The following GRK5 variants were observed in gnomAD, a reference collection of about 807,000 sequenced individuals.
GRK5 encodes the protein g protein-coupled receptor kinase GRK5.
In GRK5, 40 loss-of-function variants were observed where a neutral mutation model predicts 78.4. The ratio of observed to expected loss-of-function variants is 0.51; its 90% CI spans 0.40 to 0.66. The LOEUF is 0.66. GRK5 is among the 30% of genes least tolerant of loss of function. The pLI, the probability that GRK5 is intolerant of heterozygous loss-of-function variation, is 0.00. For synonymous variants in GRK5, 289 were observed against 296.8 expected (o/e 0.97, Z 0.27); for missense variants, 598 against 759.9 (o/e 0.79, Z 2.50).
At chr10:119,347,256 T>C (rs547818601) in intron 2 of GRK5, among the ~76,000 whole-genome samples, 1 of 151,920 alleles carries the variant, frequency 6.6e-6, no homozygotes, top group African/African-American at 2.4e-5. Flanking sequence ...CACATGCAAG[T>C]TTGTATGTGT....
chr10:119,448,640 T>C (rs1853209662), intron 13 of GRK5, among the ~76,000 whole-genome samples: 1 of 152,146 alleles, frequency 6.6e-6, no homozygotes, highest in Non-Finnish European at 1.5e-5. Context: ...TCAAGAGCAT[T>C]GACGGCCACT....
Position 119,431,555 on chromosome 10 carries a change from G to A in GRK5, c.738+28G>A, listed in dbSNP as rs370118216. ...GAGTGAGCATCTGGGCCCAGTGACC[G>A]GCTCGCCCTTCTGTGGACTGGGGCT... On this transcript the variant is annotated intron_variant, in intron 8 of 15. Coordinates refer to ENST00000392870, the MANE Select transcript of GRK5 (RefSeq NM_005308.3). This position sits in a 1 kb window ranked among gnomAD's most constrained non-coding sequence, Gnocchi z 4.8. The A allele has an allele frequency of 2.1e-4, 337 of 1,604,974 alleles. 1 individual carries two copies. In the African/African-American group the frequency reaches 2.7e-3, roughly 13 times the overall value.
At chr10:119,275,816 T>C (rs1355090205) in intron 1 of GRK5, among the ~76,000 whole-genome samples, 1 of 152,134 alleles carries the variant, frequency 6.6e-6, no homozygotes, top group Non-Finnish European at 1.5e-5. Flanking sequence ...GCTGAGCATG[T>C]GTAAAAATGA....
chr10:119,265,977 A>G (rs1795328071), intron 1 of GRK5, among the ~76,000 whole-genome samples: 1 of 152,110 alleles, frequency 6.6e-6, no homozygotes, highest in Admixed American at 6.5e-5. Context: ...TTTGGGCCCC[A>G]CTAACAGAGA....
chr10:119,227,330 G>A (rs1180426872), intron 1 of GRK5, among the ~76,000 whole-genome samples: 1 of 152,172 alleles, frequency 6.6e-6, no homozygotes, highest in Non-Finnish European at 1.5e-5. Flanking sequence ...ACTTTGGGAA[G>A]CCGAGGTGGG....
chr10:119,215,461 G>A (rs1295469382), intron 1 of GRK5, among the ~76,000 whole-genome samples: 1 of 149,782 alleles, frequency 6.7e-6, no homozygotes, highest in Non-Finnish European at 1.5e-5. Context: ...GGAGAGATGA[G>A]AGGGGGAAAT....
chr10:119,411,820 C>CAGCTTCAT (rs1394602060), intron 4 of GRK5, among the ~76,000 whole-genome samples: 2 of 147,356 alleles, frequency 1.4e-5, no homozygotes, highest in African/African-American at 2.5e-5. Flanking sequence ...TCGGCCTCCT[C>CAGCTTCAT]AGCTTCATTG....
intron 10 of GRK5, among the ~76,000 whole-genome samples, chr10:119,440,108 C>T (rs1048474552): frequency 2.0e-5 from 3 of 152,180 alleles, no homozygotes; most frequent in Non-Finnish European, 4.4e-5. Flanking sequence ...TACTTAACTT[C>T]CATCAAGTTC....
chr10:119,416,405 C>T (rs997298451), intron 4 of GRK5, among the ~76,000 whole-genome samples: 8 of 152,330 alleles, frequency 5.3e-5, no homozygotes, highest in East Asian at 3.9e-4. Context: ...TCCTGCCAGC[C>T]GTTCCTGCTT....
intron 6 of GRK5, among the ~76,000 whole-genome samples, chr10:119,428,411 G>C (rs777099917): frequency 6.6e-5 from 10 of 152,242 alleles, no homozygotes; most frequent in Admixed American, 6.5e-4. Context: ...CCCCAGAGGG[G>C]GGCATGCCCT....
intron 2 of GRK5, among the ~76,000 whole-genome samples, chr10:119,343,999 A>G (rs1851028869): frequency 6.6e-6 from 1 of 151,860 alleles, no homozygotes; most frequent in Non-Finnish European, 1.5e-5. Context: ...AGGCTCAGGT[A>G]ATGCCACAGG....
intron 1 of GRK5, chr10:119,211,378 G>T (rs1332432455): frequency 2.0e-5 from 3 of 152,214 alleles, no homozygotes; most frequent in Admixed American, 2.0e-4. Flanking sequence ...GCGACCTAAT[G>T]TTGAAATAAT....
At chr10:119,305,445 T>G (rs939590618) in intron 1 of GRK5, among the ~76,000 whole-genome samples, 1 of 152,218 alleles carries the variant, frequency 6.6e-6, no homozygotes, top group Admixed American at 6.5e-5. Flanking sequence ...ATGAGCAAAA[T>G]GGACGTGGTC....
rs1415578017 is a variant in GRK5 at position 119,378,723 on chromosome 10, C to T, written c.149-2092C>T. Among the ~76,000 whole-genome samples, 3 of 152,236 alleles carry T rather than the reference C, an allele frequency of 2.0e-5. No individual in the cohort carries two copies. Among genetic ancestry groups the T allele is most frequent in the Non-Finnish European group, 2.9e-5 (2 of 68,050 alleles). On this transcript the variant is annotated intron_variant, in intron 2 of 15. Coordinates refer to ENST00000392870, the MANE Select transcript of GRK5 (RefSeq NM_005308.3). The surrounding 1 kb of genome is among the most constrained non-coding windows in gnomAD (Gnocchi z 4.5). The stretch of plus-strand genomic sequence containing the variant: ...GGGGGAAGGCGGTCTCAGCAGCCCT[C>T]GGCTGACCAGTCATCCCCAAGAACC...
chr10:119,435,358 C>G (rs541857786), intron 8 of GRK5, among the ~76,000 whole-genome samples: 62 of 152,330 alleles, frequency 4.1e-4, no homozygotes, highest in African/African-American at 1.3e-3. Flanking sequence ...CCTTTATGCT[C>G]TCCTTCCCTT....
At chr10:119,304,163 T>G (rs936782134) in intron 1 of GRK5, among the ~76,000 whole-genome samples, 110 of 152,212 alleles carry the variant, frequency 7.2e-4, no homozygotes, top group African/African-American at 2.6e-3. Flanking sequence ...GAGGCAGCTT[T>G]GAGCAGCCCT....
At chr10:119,361,412 C>T (rs1021116128) in intron 2 of GRK5, among the ~76,000 whole-genome samples, 1 of 152,250 alleles carries the variant, frequency 6.6e-6, no homozygotes, top group Non-Finnish European at 1.5e-5. Context: ...ACCATTCATT[C>T]ATTCATCCAT....
chr10:119,355,367 G>T (rs576602624), intron 2 of GRK5, among the ~76,000 whole-genome samples: 1 of 152,294 alleles, frequency 6.6e-6, no homozygotes, highest in Non-Finnish European at 1.5e-5. Context: ...TATGAGTACA[G>T]GTATCTCTAC....
At chr10:119,417,099 C>G (rs1852471721) in intron 4 of GRK5, among the ~76,000 whole-genome samples, 1 of 152,250 alleles carries the variant, frequency 6.6e-6, no homozygotes, top group Admixed American at 6.5e-5. Flanking sequence ...TGGGCCTTGG[C>G]TGAATGCGTG....
Sources: gnomAD v4.1 joint callset for allele counts (sites outside exome capture counted in the v4.1 genomes callset) on GRCh38, gnomAD v4.1.1 for gene constraint, Gnocchi (gnomAD v3.1) non-coding constraint, MANE v1.5 for transcripts, NCBI Gene and HGNC (gene_info 2026-07-23, HGNC 2026-07-21) for gene names.